Variants in TRDN observed in about 807,000 individuals in gnomAD.
TRDN encodes the protein triadin.
A neutral mutation model predicts 149.7 loss-of-function variants in TRDN; 161 were observed. The ratio of observed to expected loss-of-function variants is 1.08; its 90% confidence interval spans 0.95 to 1.23. The LOEUF is 1.23. Among genes scored for constraint, TRDN ranks in the 50% most tolerant of loss-of-function variants. TRDN has a pLI of 0.00. For missense variants in TRDN, 896 were observed against 823.5 expected (o/e 1.09, Z -1.08); for synonymous variants, 294 against 250.5 (o/e 1.17, Z -1.64).
At chr6:123,495,036 A>T (rs1299750582) in intron 9 of TRDN, among the ~76,000 whole-genome samples, 1 of 151,844 alleles carries the variant, frequency 6.6e-6, no homozygotes, top group East Asian at 1.9e-4. Context: ...GCCCGGCCAG[A>T]TTGAACTTTT....
intron 38 of TRDN, among the ~76,000 whole-genome samples, chr6:123,247,217 A>C (rs1266789496): frequency 6.6e-6 from 1 of 152,068 alleles, no homozygotes; most frequent in Non-Finnish European, 1.5e-5. Flanking sequence ...CTCTCTCACC[A>C]CTCCTATTTA....
intron 13 of TRDN, among the ~76,000 whole-genome samples, chr6:123,388,871 C>A (rs1782005193): frequency 6.6e-6 from 1 of 151,994 alleles, no homozygotes; most frequent in African/African-American, 2.4e-5. Flanking sequence ...ACAATCTCTT[C>A]TAGAAGGTCG....
chr6:123,561,566 A>G (rs1293075456), intron 2 of TRDN, among the ~76,000 whole-genome samples: 1 of 152,120 alleles, frequency 6.6e-6, no homozygotes, highest in African/African-American at 2.4e-5. Flanking sequence ...GCAAGTAATT[A>G]TGCTCAACCC....
At chr6:123,592,128 A>AT (rs764504256) in intron 1 of TRDN, among the ~76,000 whole-genome samples, 9 of 152,214 alleles carry the variant, frequency 5.9e-5, no homozygotes, top group Non-Finnish European at 1.0e-4. Context: ...GGGTCTTAAA[A>AT]TTTTTGTGAG....
At chr6:123,600,250 C>T (rs767138447) in intron 1 of TRDN, among the ~76,000 whole-genome samples, 8 of 152,040 alleles carry the variant, frequency 5.3e-5, no homozygotes, top group Non-Finnish European at 4.4e-5. Flanking sequence ...ACCTGTATCA[C>T]CAGATCCTCA....
rs60716520 is a variant in TRDN, at chr6:123,514,631, AACACACACACACACAC to A, written c.550+1494_550+1509del. On this transcript the variant is annotated intron_variant, in intron 6 of 40. Transcript: ENST00000334268. ...ATAGATGAAGGGTATACATACCCAA[AACACACACACACACAC>A]ACACACACACACACACATATCATTA... is the stretch of plus-strand genomic sequence containing the variant. Among the ~76,000 whole-genome samples, 26 of 147,590 alleles carry A rather than the reference AACACACACACACACAC, an allele frequency of 1.8e-4. No homozygotes were observed. In the South Asian group the frequency reaches 5.2e-3, roughly 30 times the overall value.
intron 10 of TRDN, among the ~76,000 whole-genome samples, chr6:123,444,595 T>C (rs1273476819): frequency 6.7e-6 from 1 of 150,146 alleles, no homozygotes; most frequent in African/African-American, 2.5e-5. Flanking sequence ...CCCTGTCTTG[T>C]GCCAGTTTTC....
chr6:123,254,565 T>C (rs527594753), intron 37 of TRDN, among the ~76,000 whole-genome samples: 1 of 152,168 alleles, frequency 6.6e-6, no homozygotes, highest in South Asian at 2.1e-4. Context: ...AAACGTTATT[T>C]ACAGTTTTAT....
At chr6:123,306,918 C>T (rs1778632389) in intron 24 of TRDN, among the ~76,000 whole-genome samples, 1 of 151,660 alleles carries the variant, frequency 6.6e-6, no homozygotes, top group South Asian at 2.1e-4. Context: ...ATTTAGTGTC[C>T]AACAATATGC....
chr6:123,517,763 G>A (rs1779482981), intron 5 of TRDN, among the ~76,000 whole-genome samples: 1 of 151,356 alleles, frequency 6.6e-6, no homozygotes. Context: ...CCTATTCCAT[G>A]CACTCTTTCC....
intron 33 of TRDN, among the ~76,000 whole-genome samples, chr6:123,263,661 T>C (rs765991185): frequency 6.6e-5 from 10 of 151,872 alleles, no homozygotes; most frequent in Non-Finnish European, 1.5e-4. Flanking sequence ...CAAATAGCCT[T>C]CTATTAAAAG....
At chr6:123,238,242 G>A (rs996589454) in intron 38 of TRDN, among the ~76,000 whole-genome samples, 3 of 152,100 alleles carry the variant, frequency 2.0e-5, no homozygotes, top group Admixed American at 6.5e-5. Context: ...GTACAGATAG[G>A]CACATACTGA....
chr6:123,326,455 A>C (rs1779459621), intron 23 of TRDN, among the ~76,000 whole-genome samples: 1 of 151,928 alleles, frequency 6.6e-6, no homozygotes, highest in African/African-American at 2.4e-5. Flanking sequence ...AACATGTTGA[A>C]GCAATTTTGA....
chr6:123,402,892 A>G (rs1773039616), intron 12 of TRDN, among the ~76,000 whole-genome samples: 1 of 152,226 alleles, frequency 6.6e-6, no homozygotes, highest in African/African-American at 2.4e-5. Context: ...CAGATTTTGG[A>G]CTTGATAAAC....
intron 38 of TRDN, among the ~76,000 whole-genome samples, chr6:123,251,768 T>A (rs928527003): frequency 2.0e-5 from 3 of 151,992 alleles, no homozygotes; most frequent in African/African-American, 7.2e-5. Context: ...TACAGTTATA[T>A]CCTATATACA....
chr6:123,315,910 T>C (rs1373120688), intron 24 of TRDN, among the ~76,000 whole-genome samples: 1 of 151,914 alleles, frequency 6.6e-6, no homozygotes, highest in East Asian at 1.9e-4. Context: ...ATTTCAGCTT[T>C]CAAATTAATG....
chr6:123,502,869 G>A (rs1778757562), intron 8 of TRDN: 1 of 985,146 alleles, frequency 1.0e-6, no homozygotes, highest in South Asian at 4.7e-5. Flanking sequence ...CTGTAAAGGA[G>A]TCTCAGGATT....
At chr6:123,288,315 C>A (rs1159341638) in intron 24 of TRDN, among the ~76,000 whole-genome samples, 1 of 152,014 alleles carries the variant, frequency 6.6e-6, no homozygotes, top group African/African-American at 2.4e-5. Flanking sequence ...AAGAACTCCA[C>A]TGGTCAGAGT....
rs140331020 is a variant in TRDN at position 123,357,779 on chromosome 6, A to C, written c.1322-5193T>G. 8.6e-3 allele frequency among the ~76,000 whole-genome samples: 1,314 copies of C among 152,288 alleles called. 9 individuals carry two copies. The highest frequency in any genetic ancestry group is 0.031 in the Middle Eastern group (9 of 294). On this transcript the variant is annotated intron_variant, in intron 20 of 40. Coordinates refer to ENST00000334268, the MANE Select transcript of TRDN (RefSeq NM_006073.4). ...CTGAAGGGTAAATGTCTCAGAAAAC[A>C]ACTGAAGTGTGACTTACATATAAAG...
Sources: gnomAD v4.1 joint callset for allele counts (sites outside exome capture counted in the v4.1 genomes callset) on GRCh38, gnomAD v4.1.1 for gene constraint, MANE v1.5 for transcripts, NCBI Gene and HGNC (gene_info 2026-07-23, HGNC 2026-07-21) for gene names.